MDGA1: variants seen among roughly 807,000 people sequenced by gnomAD.
The protein encoded by MDGA1 is MAM domain containing glycosylphosphatidylinositol anchor 1.
A neutral mutation model predicts 101.5 loss-of-function variants in MDGA1; 54 were observed. The ratio of observed to expected loss-of-function variants is 0.53; its 90% CI spans 0.43 to 0.67. The LOEUF (loss-of-function observed/expected upper bound fraction) is 0.67, where lower values mean the gene tolerates loss of function less well. Ranked by LOEUF, MDGA1 falls within the 30% of genes least tolerant of loss-of-function variation. The pLI is 0.00. For synonymous variants in MDGA1, 533 were observed against 558.3 expected, an observed-to-expected ratio of 0.95 and a Z score of 0.64; for missense variants, 1,083 against 1,323.8, an observed-to-expected ratio of 0.82 and a Z score of 2.82.
At chr6:37,648,307 T>C (rs970091791) in intron 9 of MDGA1, 2 of 152,516 alleles carry the variant, frequency 1.3e-5, no homozygotes, top group Non-Finnish European at 1.5e-5. Context: ...TCCCCTAAAC[T>C]ACACCTCAGG....
At chr6:37,641,461 T>C (rs1764078616) in intron 14 of MDGA1, among the ~76,000 whole-genome samples, 2 of 152,118 alleles carry the variant, frequency 1.3e-5, no homozygotes, top group African/African-American at 4.8e-5. Context: ...ACCCCAGAAT[T>C]CCAGGTCCCT....
intron 10 of MDGA1, among the ~76,000 whole-genome samples, chr6:37,646,939 C>T (rs971302890): frequency 2.6e-5 from 4 of 152,206 alleles, no homozygotes; most frequent in African/African-American, 9.7e-5. Flanking sequence ...CCTTGCCTGC[C>T]CAATTCTCAG....
chr6:37,667,701 T>G (rs1561854844), intron 1 of MDGA1, among the ~76,000 whole-genome samples: 1 of 152,220 alleles, frequency 6.6e-6, no homozygotes, highest in Non-Finnish European at 1.5e-5. Context: ...TTTAACAGGC[T>G]CCAGTGGAAG....
rs766380257 is a variant in MDGA1 at position 37,638,241 on chromosome 6, CCTT to C, written c.2737_2739del (p.Lys913del). On this transcript the variant is annotated inframe_deletion, in exon 16 of 17. Coordinates refer to ENST00000434837, the MANE Select transcript of MDGA1 (RefSeq NM_153487.4). This position sits in a 1 kb window ranked among gnomAD's most constrained non-coding sequence, Gnocchi z 4.8. The stretch of plus-strand genomic sequence containing the variant: ...TCCGTCTGCTTCCGGGGACACTCCC[CCTT>C]CTTCAGTGTGACGTCATCTATGGCA... The C allele has an allele frequency of 6.2e-7, 1 of 1,613,748 alleles. No individual in the cohort carries two copies. The highest frequency in any genetic ancestry group is 2.2e-5 in the East Asian group (1 of 44,890).
At chr6:37,695,709 T>C (rs1422694989) in intron 1 of MDGA1, among the ~76,000 whole-genome samples, 1 of 152,106 alleles carries the variant, frequency 6.6e-6, no homozygotes, top group Non-Finnish European at 1.5e-5. Context: ...GAGGAATCAT[T>C]AGTCCCTCCA....
chr6:37,692,123 C>T (rs1050724503), intron 1 of MDGA1, among the ~76,000 whole-genome samples: 20 of 152,022 alleles, frequency 1.3e-4, no homozygotes, highest in African/African-American at 4.4e-4. Context: ...TAACTCATCC[C>T]TCAGATAGGG....
intron 1 of MDGA1, among the ~76,000 whole-genome samples, chr6:37,690,738 C>G (rs888682287): frequency 6.7e-6 from 1 of 148,664 alleles, no homozygotes; most frequent in Non-Finnish European, 1.5e-5. Flanking sequence ...GATTGTGCCA[C>G]TGCACTCCAG....
chr6:37,642,805 T>C (rs2114002509), intron 14 of MDGA1, among the ~76,000 whole-genome samples: 2 of 152,308 alleles, frequency 1.3e-5, no homozygotes, highest in Middle Eastern at 3.4e-3. Flanking sequence ...GTTTAATACC[T>C]GTCTCTCCCA....
Position 37,638,873 on chromosome 6 carries a change from T to C in MDGA1, c.2537-206A>G. ...AAGAGAAGACTTCAGCAGGATTTCA[T>C]TTCATCAGGATGACTTGCAAATTTT... On this transcript the variant is annotated intron_variant, in intron 14 of 16. Coordinates refer to ENST00000434837, the MANE Select transcript of MDGA1 (RefSeq NM_153487.4). This position sits in a 1 kb window ranked among gnomAD's most constrained non-coding sequence, Gnocchi z 4.8. The C allele has an allele frequency of 3.2e-6, 2 of 625,334 alleles. No homozygotes were observed. Among genetic ancestry groups the C allele is most frequent in the Non-Finnish European group, 5.3e-6 (2 of 375,518 alleles). The allele number at this position is 625,334 out of a possible 1,614,324, so 38.7% of individuals were successfully genotyped here. A position where few individuals can be genotyped will look rare whatever the true frequency, so the allele number is the denominator to read the frequency against.
chr6:37,690,941 C>G (rs1285729864), intron 1 of MDGA1, among the ~76,000 whole-genome samples: 1 of 152,128 alleles, frequency 6.6e-6, no homozygotes, highest in Non-Finnish European at 1.5e-5. Flanking sequence ...CCCTCTCAAT[C>G]CTTACTTCTA....
intron 2 of MDGA1, among the ~76,000 whole-genome samples, chr6:37,661,233 A>G (rs1761617677): frequency 6.6e-6 from 1 of 152,176 alleles, no homozygotes; most frequent in South Asian, 2.1e-4. Context: ...TAATACAACT[A>G]TCAGTAGTGT....
At chr6:37,637,911 A>T in intron 16 of MDGA1, 3 of 535,692 alleles carry the variant, frequency 5.6e-6, no homozygotes, top group Non-Finnish European at 9.8e-6. Context: ...TCACCTCTGG[A>T]GCCAGAGGTA....
chr6:37,649,468 C>T (rs1447810697), intron 8 of MDGA1, among the ~76,000 whole-genome samples: 10 of 152,356 alleles, frequency 6.6e-5, no homozygotes, highest in African/African-American at 1.7e-4. Context: ...CCCTCCTGGC[C>T]ATTCTCTCCA....
intron 3 of MDGA1, among the ~76,000 whole-genome samples, chr6:37,656,685 C>T (rs1193336554): frequency 6.6e-6 from 1 of 152,212 alleles, no homozygotes; most frequent in African/African-American, 2.4e-5. Flanking sequence ...GACAACAGGA[C>T]TTGATGCCTT....
intron 1 of MDGA1, among the ~76,000 whole-genome samples, chr6:37,680,999 C>CT (rs1435170827): frequency 6.6e-6 from 1 of 150,474 alleles, no homozygotes; most frequent in East Asian, 1.9e-4. Context: ...CTCCTCAGCC[C>CT]CCCCCCCCCA....
chr6:37,658,214 G>A, intron 3 of MDGA1, 31 bp downstream of exon 3: 1 of 1,533,232 alleles, frequency 6.5e-7, no homozygotes, highest in Non-Finnish European at 8.8e-7. Flanking sequence ...TGGGCTGTCA[G>A]GGCCCGGGGA....
At chr6:37,667,698 G>C (rs1397604469) in intron 1 of MDGA1, among the ~76,000 whole-genome samples, 1 of 152,210 alleles carries the variant, frequency 6.6e-6, no homozygotes, top group Admixed American at 6.5e-5. Flanking sequence ...CGATTTAACA[G>C]GCTCCAGTGG....
At chr6:37,681,661 G>A (rs62398397) in intron 1 of MDGA1, among the ~76,000 whole-genome samples, 25,028 of 152,248 alleles carry the variant, frequency 0.16, 2,179 homozygotes, top group South Asian at 0.24. Context: ...GCACTTGCAC[G>A]AGGCAGAGAG....
Position 37,654,488 on chromosome 6 carries a change from C to G in MDGA1, c.768G>C (p.Glu256Asp), listed in dbSNP as rs1248574563. Residue 256 changes from glutamate to aspartate, a missense_variant, in exon 6 of 17, where the codon GAG becomes GAC. By Grantham distance (45) the Glu-to-Asp change is conservative. Transcript: ENST00000434837. ...TCAGCAGACACTGCACCGTCACATT[C>G]TCCCCAGGGTTCACCACCAGAGTTT... ...VNETLVVNPGENVTVQCLLTG... is the reference protein window; with the variant it reads ...VNETLVVNPGDNVTVQCLLTG... 6 of 1,614,036 alleles carry G rather than the reference C, an allele frequency of 3.7e-6. No homozygotes were observed. The highest frequency in any genetic ancestry group is 2.2e-5 in the East Asian group (1 of 44,878).
Sources: allele counts gnomAD v4.1 joint callset (sites outside exome capture counted in the v4.1 genomes callset), GRCh38; gene constraint gnomAD v4.1.1; non-coding constraint Gnocchi (gnomAD v3.1); transcripts MANE v1.5; gene names NCBI Gene and HGNC (gene_info 2026-07-23, HGNC 2026-07-21).